Variants in ELAVL3 observed in about 807,000 individuals in gnomAD.
The protein encoded by ELAVL3 is ELAV-like protein 3.
A neutral mutation model predicts 34.2 loss-of-function variants in ELAVL3; 8 were observed. That is an observed-to-expected ratio of 0.23 (90% CI 0.14 to 0.42). The LOEUF (loss-of-function observed/expected upper bound fraction) is 0.42. Ranked by LOEUF, ELAVL3 falls within the 10% of genes least tolerant of loss-of-function variation. ELAVL3 has a pLI of 1.00. For missense variants in ELAVL3, 273 were observed against 518.8 expected (o/e 0.53, Z 4.60); for synonymous variants, 209 against 222.1 (o/e 0.94, Z 0.53).
At position 11,454,834 on chromosome 19, in the gene ELAVL3, C is replaced by T. The variant is rs751712994; in HGVS notation, c.796G>A (p.Gly266Ser). 1 of 1,607,946 alleles carries T rather than the reference C, an allele frequency of 6.2e-7. No homozygotes were observed. The highest frequency in any genetic ancestry group is 8.5e-7 in the Non-Finnish European group (1 of 1,178,560). The change falls in exon 7 of 7, where the codon GGT (glycine) becomes AGT (serine). Residue 266 changes from glycine to serine, a missense_variant. By Grantham distance (56) the Gly-to-Ser change is moderately conservative. This residue lies in a region of ELAVL3 where 79 missense variants were observed against 108.2 expected (regional missense o/e 0.73). Coordinates refer to ENST00000359227, the MANE Select transcript of ELAVL3 (RefSeq NM_001420.4). The surrounding 1 kb of genome is among the most constrained non-coding windows in gnomAD (Gnocchi z 9.2). ...IARFSPIAID[G>S]MSGLAGVGLS... ...CCCACGCCCGCCAGGCCGCTCATAC[C>T]ATCGATGGCGATCGGCGAGAACCTG... is the stretch of plus-strand genomic sequence containing the variant.
Position 11,466,383 on chromosome 19 carries a change from T to A in ELAVL3, c.230-108A>T, listed in dbSNP as rs1251152162. On this transcript the variant is annotated intron_variant, in intron 2 of 6. Coordinates refer to ENST00000359227, the MANE Select transcript of ELAVL3 (RefSeq NM_001420.4). This position sits in a 1 kb window ranked among gnomAD's most constrained non-coding sequence, Gnocchi z 5.0. ...CCTCCCCACCAAGTTTCCACCTTCCTGTTTCCAGATGACACCTTCGATGCT... is the reference window on the plus strand; with the variant it reads ...CCTCCCCACCAAGTTTCCACCTTCCAGTTTCCAGATGACACCTTCGATGCT... 4.4e-6 allele frequency: 5 copies of A among 1,140,810 alleles called. No homozygotes were observed. Among genetic ancestry groups the A allele is most frequent in the Non-Finnish European group, 6.5e-6 (5 of 769,620 alleles). The allele number at this position is 1,140,810 out of a possible 1,614,324, so 70.7% of individuals were successfully genotyped here. A position where few individuals can be genotyped will look rare whatever the true frequency, so the allele number is the denominator to read the frequency against.
Position 11,453,837 on chromosome 19 carries a change from T to C in ELAVL3, c.*689A>G, listed in dbSNP as rs1161920804. 6.6e-6 allele frequency: 1 copy of C among 151,060 alleles called. No individual in the cohort carries two copies. Among genetic ancestry groups the C allele is most frequent in the African/African-American group, 2.4e-5 (1 of 41,224 alleles). The allele number at this position is 151,060 out of a possible 1,614,324, so 9.4% of individuals were successfully genotyped here. ...CATAACCTGCCAAAATATTTTCTTT[T>C]TTTTTTTTTGTCTTTTTTTGTGTTT... On this transcript the variant is annotated 3_prime_UTR_variant, in exon 7 of 7. Transcript: ENST00000359227.
intron 1 of ELAVL3, among the ~76,000 whole-genome samples, chr19:11,467,276 G>C (rs1971073723): frequency 6.6e-6 from 1 of 151,764 alleles, no homozygotes; most frequent in Non-Finnish European, 1.5e-5. Context: ...TACAAAATTA[G>C]CCGGGCGTGG....
chr19:11,469,500 G>A (rs1009366537), intron 1 of ELAVL3, among the ~76,000 whole-genome samples: 5 of 151,494 alleles, frequency 3.3e-5, no homozygotes, highest in East Asian at 2.0e-4. Flanking sequence ...CACTGGTCTC[G>A]AACTCTTGAC....
chr19:11,478,354 G>A (rs1192012054), intron 1 of ELAVL3, among the ~76,000 whole-genome samples: 1 of 152,112 alleles, frequency 6.6e-6, no homozygotes, highest in South Asian at 2.1e-4. Context: ...CCAGTATCTC[G>A]TTTCCTCTGT....
chr19:11,467,810 A>C (rs1315102585), intron 1 of ELAVL3, among the ~76,000 whole-genome samples: 3 of 140,908 alleles, frequency 2.1e-5, no homozygotes, highest in Non-Finnish European at 4.6e-5. Context: ...TTATTTTAGA[A>C]AAAGGGTCTC....
intron 6 of ELAVL3, 125 bp downstream of exon 6, chr19:11,456,985 G>T: frequency 1.2e-6 from 1 of 845,192 alleles, no homozygotes; most frequent in Non-Finnish European, 1.7e-6. Context: ...ATCTCTCAAT[G>T]GCCATGCTAC....
chr19:11,466,863 T>C lies in ELAVL3; in HGVS notation c.10-36A>G, dbSNP rs573361891. On this transcript the variant is annotated intron_variant, in intron 1 of 6. Transcript: ENST00000359227. This position sits in a 1 kb window ranked among gnomAD's most constrained non-coding sequence, Gnocchi z 5.0. ...CAGGTCGCATCCGCTCACCGCCCAG[T>C]CCCCACACCAGGGGCCTGCGGCAAT... The C allele has an allele frequency of 4.0e-5, 62 of 1,538,500 alleles. No homozygotes were observed. The South Asian group carries it at 7.2e-4, about 18-fold the overall frequency.
intron 6 of ELAVL3, among the ~76,000 whole-genome samples, chr19:11,455,156 AC>A (rs1970742066): frequency 6.6e-6 from 1 of 151,278 alleles, no homozygotes; most frequent in South Asian, 2.1e-4. Flanking sequence ...GCGCCCTCAC[AC>A]CCAGCTAATT....
intron 1 of ELAVL3, among the ~76,000 whole-genome samples, chr19:11,472,315 C>T (rs1421050281): frequency 1.3e-5 from 2 of 152,176 alleles, no homozygotes; most frequent in African/African-American, 2.4e-5. Flanking sequence ...CACTGCACTC[C>T]AGCCTGGGCG....
Position 11,472,422 on chromosome 19 carries a change from A to C in ELAVL3, c.10-5595T>G, listed in dbSNP as rs7255528. Among the ~76,000 whole-genome samples the C allele has an allele frequency of 9.3e-3, 1,422 of 152,214 alleles. 16 individuals carry two copies. The highest frequency in any genetic ancestry group is 0.032 in the African/African-American group (1,344 of 41,532). On this transcript the variant is annotated intron_variant, in intron 1 of 6. Coordinates refer to ENST00000359227, the MANE Select transcript of ELAVL3 (RefSeq NM_001420.4). ...AAGAATTCAGAAACCACATTTAGGC[A>C]AGGCGTGCTGGCTCATGCCTATAAT...
At chr19:11,474,084 G>A (rs1272140250) in intron 1 of ELAVL3, among the ~76,000 whole-genome samples, 1 of 152,120 alleles carries the variant, frequency 6.6e-6, no homozygotes, top group Non-Finnish European at 1.5e-5. Context: ...CCAGACTGGG[G>A]TGCAGTGGTA....
Position 11,452,948 on chromosome 19 carries a change from C to T in ELAVL3, c.*1578G>A, listed in dbSNP as rs980786360. On this transcript the variant is annotated 3_prime_UTR_variant, in exon 7 of 7. Coordinates refer to ENST00000359227, the MANE Select transcript of ELAVL3 (RefSeq NM_001420.4). ...CTGCAATCTGGAAAGACGAAAAACC[C>T]AACAAACCGAAAGGGGATAGGTAGG... The T allele has an allele frequency of 6.6e-6, 1 of 152,174 alleles. No homozygotes were observed. Among genetic ancestry groups the T allele is most frequent in the Non-Finnish European group, 1.5e-5 (1 of 68,066 alleles). 9.4% of individuals were successfully genotyped at this position (152,174 alleles called of 1,614,324 possible).
At chr19:11,468,025 G>A (rs1277720129) in intron 1 of ELAVL3, among the ~76,000 whole-genome samples, 1 of 152,136 alleles carries the variant, frequency 6.6e-6, no homozygotes, top group African/African-American at 2.4e-5. Flanking sequence ...CTTGGGCTCT[G>A]GTGATCCTCC....
rs1970737620 is a variant in ELAVL3 at position 11,454,938 on chromosome 19, AC to A, written c.753-62del. 6.7e-7 allele frequency: 1 copy of A among 1,503,730 alleles called. No homozygotes were observed. Among genetic ancestry groups the A allele is most frequent in the African/African-American group, 1.4e-5 (1 of 71,970 alleles). 93.1% of individuals were successfully genotyped at this position (1,503,730 alleles called of 1,614,324 possible). On this transcript the variant is annotated intron_variant, in intron 6 of 6. Transcript: ENST00000359227. This position sits in a 1 kb window ranked among gnomAD's most constrained non-coding sequence, Gnocchi z 9.2. ...CCCGCATGCTTCTGACCCCGTTGTG[AC>A]CCTTCACACCTTTATGACCCCTGAC...
At chr19:11,478,208 C>T (rs1465885925) in intron 1 of ELAVL3, among the ~76,000 whole-genome samples, 1 of 152,082 alleles carries the variant, frequency 6.6e-6, no homozygotes, top group African/African-American at 2.4e-5. Context: ...TTACTGGCTG[C>T]CCCCCTCCCA....
At chr19:11,470,784 C>A (rs1160529428) in intron 1 of ELAVL3, among the ~76,000 whole-genome samples, 1 of 152,162 alleles carries the variant, frequency 6.6e-6, no homozygotes, top group Non-Finnish European at 1.5e-5. Flanking sequence ...AGTCACATAG[C>A]CTATCTGCTC....
At chr19:11,460,485 C>A (rs915524472) in intron 3 of ELAVL3, among the ~76,000 whole-genome samples, 1 of 152,042 alleles carries the variant, frequency 6.6e-6, no homozygotes, top group African/African-American at 2.4e-5. Flanking sequence ...TTCCTTGGAC[C>A]GCAAAACCCT....
At chr19:11,479,191 A>G (rs541271259) in intron 1 of ELAVL3, among the ~76,000 whole-genome samples, 7 of 152,248 alleles carry the variant, frequency 4.6e-5, no homozygotes, top group African/African-American at 1.7e-4. Flanking sequence ...TCAGGAGGCC[A>G]CACTCCAGTT....
Sources: gnomAD v4.1 joint callset for allele counts (sites outside exome capture counted in the v4.1 genomes callset) on GRCh38, gnomAD v4.1.1 for gene constraint, gnomAD v4.1.1 regional missense constraint, Gnocchi (gnomAD v3.1) non-coding constraint, MANE v1.5 for transcripts, NCBI Gene and HGNC (gene_info 2026-07-23, HGNC 2026-07-21) for gene names.